The following FRMD4B variants were observed in gnomAD, a reference collection of about 807,000 sequenced individuals.
FRMD4B encodes FERM domain-containing protein 4B.
In FRMD4B, 74 loss-of-function variants were observed where a neutral mutation model predicts 141.5. The observed-to-expected ratio is 0.52, with a 90% CI of 0.43 to 0.63. The LOEUF (loss-of-function observed/expected upper bound fraction) is 0.63. FRMD4B is among the 30% of genes least tolerant of loss of function. FRMD4B has a pLI of 0.00. For missense variants in FRMD4B, 1,366 were observed against 1,253.4 expected (o/e 1.09, Z -1.36); for synonymous variants, 506 against 467.9 (o/e 1.08, Z -1.05).
chr3:69,383,680 G>C (rs11128127), intron 1 of FRMD4B, among the ~76,000 whole-genome samples: 76,299 of 151,078 alleles, frequency 0.51, 19,417 homozygotes, highest in East Asian at 0.61. Context: ...CTGCCTCAAC[G>C]TCTTGAGCAG....
chr3:69,212,257 G>A (rs2093089365), intron 11 of FRMD4B, among the ~76,000 whole-genome samples: 1 of 150,030 alleles, frequency 6.7e-6, no homozygotes, highest in African/African-American at 2.4e-5. Context: ...CTTCTCGGGA[G>A]GCTGAGGTAG....
intron 1 of FRMD4B, among the ~76,000 whole-genome samples, chr3:69,314,911 C>T (rs1412973911): frequency 6.6e-6 from 1 of 152,124 alleles, no homozygotes; most frequent in African/African-American, 2.4e-5. Flanking sequence ...CACCTATAGT[C>T]CCAGCTACTC....
intron 21 of FRMD4B, 106 bp from the exon 22 acceptor site, chr3:69,176,762 T>A: frequency 1.5e-6 from 1 of 685,492 alleles, no homozygotes; most frequent in Non-Finnish European, 2.5e-6. Context: ...AGAGGAGAAA[T>A]TTAAGAGGGT....
At chr3:69,447,104 T>G (rs1244054995) in intron 1 of FRMD4B, among the ~76,000 whole-genome samples, 1 of 152,206 alleles carries the variant, frequency 6.6e-6, no homozygotes, top group Admixed American at 6.5e-5. Flanking sequence ...TAACTGAAGC[T>G]TTAAATGGGT....
At chr3:69,341,917 G>C (rs1275939731) in intron 1 of FRMD4B, among the ~76,000 whole-genome samples, 4 of 152,126 alleles carry the variant, frequency 2.6e-5, no homozygotes, top group Non-Finnish European at 5.9e-5. Context: ...ATAAATTACT[G>C]AGTTGCAGTT....
chr3:69,459,897 T>C (rs1705684748), intron 1 of FRMD4B, among the ~76,000 whole-genome samples: 1 of 152,190 alleles, frequency 6.6e-6, no homozygotes, highest in Non-Finnish European at 1.5e-5. Flanking sequence ...TACTTATCTA[T>C]TTAATTAGTT....
chr3:69,330,948 C>G (rs1362312531), intron 1 of FRMD4B, among the ~76,000 whole-genome samples: 1 of 152,194 alleles, frequency 6.6e-6, no homozygotes, highest in African/African-American at 2.4e-5. Context: ...GAGCACATGT[C>G]ATTATGCTCT....
At chr3:69,177,748 C>T (rs555803769) in intron 21 of FRMD4B, among the ~76,000 whole-genome samples, 10 of 152,286 alleles carry the variant, frequency 6.6e-5, no homozygotes, top group South Asian at 4.1e-4. Context: ...TTCCCATTCA[C>T]GCTATGGTGT....
chr3:69,438,796 C>G (rs1559527779), intron 1 of FRMD4B, among the ~76,000 whole-genome samples: 8 of 152,166 alleles, frequency 5.3e-5, no homozygotes. Flanking sequence ...TCCCCATTCA[C>G]TGTATATTCA....
intron 1 of FRMD4B, chr3:69,472,334 C>A: frequency 4.2e-6 from 2 of 479,228 alleles, no homozygotes; most frequent in South Asian, 3.2e-5. Context: ...AGATGCAACT[C>A]CCTGGGATTC....
At chr3:69,351,395 A>C (rs2107434743) in intron 1 of FRMD4B, among the ~76,000 whole-genome samples, 1 of 152,324 alleles carries the variant, frequency 6.6e-6, no homozygotes, top group South Asian at 2.1e-4. Context: ...TAGTATTTTC[A>C]GGTTGCCAAA....
chr3:69,434,951 C>A (rs1272245448), intron 1 of FRMD4B, among the ~76,000 whole-genome samples: 1 of 152,176 alleles, frequency 6.6e-6, no homozygotes, highest in African/African-American at 2.4e-5. Flanking sequence ...CTCTCCTTGG[C>A]TTGCAGATGG....
At chr3:69,209,421 T>C (rs1353664677) in intron 11 of FRMD4B, among the ~76,000 whole-genome samples, 1 of 152,130 alleles carries the variant, frequency 6.6e-6, no homozygotes, top group Admixed American at 6.5e-5. Context: ...TAAATTAAAG[T>C]ATGGTGTGGA....
At chr3:69,298,876 A>C (rs1037449024) in intron 4 of FRMD4B, among the ~76,000 whole-genome samples, 1 of 151,830 alleles carries the variant, frequency 6.6e-6, no homozygotes, top group Non-Finnish European at 1.5e-5. Context: ...GGTTTACTTT[A>C]CTTAGTGTCA....
chr3:69,518,634 G>A (rs1700802500), intron 1 of FRMD4B, among the ~76,000 whole-genome samples: 1 of 152,026 alleles, frequency 6.6e-6, no homozygotes, highest in Non-Finnish European at 1.5e-5. Context: ...CCAACCCCTG[G>A]GCCACAGCTG....
At chr3:69,303,351 G>A (rs1197935825) in intron 3 of FRMD4B, among the ~76,000 whole-genome samples, 1 of 150,390 alleles carries the variant, frequency 6.6e-6, no homozygotes, top group East Asian at 2.0e-4. Context: ...AAGCCAGGGA[G>A]CCTCTTTATA....
intron 11 of FRMD4B, among the ~76,000 whole-genome samples, chr3:69,213,707 G>C (rs2093110464): frequency 6.7e-6 from 1 of 149,800 alleles, no homozygotes. Context: ...CTGTCACCCA[G>C]GCCGGAGTGC....
chr3:69,520,240 AAT>A (rs56084649), intron 1 of FRMD4B, among the ~76,000 whole-genome samples: 1 of 55,944 alleles, frequency 1.8e-5, no homozygotes, highest in Non-Finnish European at 3.1e-5. Flanking sequence ...TATATGATGG[AAT>A]ATATATATAT....
chr3:69,310,430 T>C (rs1379061404), intron 3 of FRMD4B: 1 of 456,548 alleles, frequency 2.2e-6, no homozygotes, highest in Non-Finnish European at 4.4e-6. Flanking sequence ...CATTTTAACA[T>C]TTAAGGAGCT....
Sources: allele counts gnomAD v4.1 joint callset (sites outside exome capture counted in the v4.1 genomes callset), GRCh38; gene constraint gnomAD v4.1.1; transcripts MANE v1.5; gene names NCBI Gene and HGNC (gene_info 2026-07-23, HGNC 2026-07-21).